Variants in NAV3 observed in about 807,000 individuals in gnomAD.
NAV3 encodes neuron navigator 3.
In NAV3, 87 loss-of-function variants were observed where a neutral mutation model predicts 244.7. That is an observed-to-expected ratio of 0.36 (90% CI 0.30 to 0.42). The LOEUF (loss-of-function observed/expected upper bound fraction) is 0.42, where lower values mean the gene tolerates loss of function less well. Ranked by LOEUF, NAV3 falls within the 20% of genes least tolerant of loss-of-function variation. NAV3 has a pLI of 1.00. For synonymous variants in NAV3, 1,126 were observed against 1,042.2 expected (o/e 1.08, Z -1.55); for missense variants, 2,663 against 2,893.3 (o/e 0.92, Z 1.83).
At chr12:78,196,387 A>G (rs967215919) in intron 34 of NAV3, among the ~76,000 whole-genome samples, 4 of 152,018 alleles carry the variant, frequency 2.6e-5, no homozygotes, top group Non-Finnish European at 5.9e-5. Flanking sequence ...AGCAATTCAC[A>G]TATTTACCTG....
intron 1 of NAV3, among the ~76,000 whole-genome samples, chr12:77,929,534 G>C (rs531490123): frequency 6.6e-6 from 1 of 152,110 alleles, no homozygotes; most frequent in Non-Finnish European, 1.5e-5. Flanking sequence ...ATTCTACTCC[G>C]TAAATACGGC....
rs117805977 is a variant in NAV3, at chr12:77,990,570, A to G, written c.672-4233A>G. ...TGAGGATCAATTTCTATGTTTATTC[A>G]AAAGAAACTATAACATCAGTTTTAT... On this transcript the variant is annotated intron_variant, in intron 5 of 39. Coordinates refer to ENST00000397909, the MANE Select transcript of NAV3 (RefSeq NM_001024383.2). Among the ~76,000 whole-genome samples the G allele has an allele frequency of 9.5e-3, 1,442 of 152,368 alleles. 11 individuals carry two copies. Among genetic ancestry groups the G allele is most frequent in the Non-Finnish European group, 0.014 (961 of 68,032 alleles).
At chr12:77,770,942 A>G (rs997482618) in intron 2 of NAV3, among the ~76,000 whole-genome samples, 1 of 152,146 alleles carries the variant, frequency 6.6e-6, no homozygotes, top group African/African-American at 2.4e-5. Flanking sequence ...GAGCTTCTGC[A>G]CAGCAAAAGA....
intron 3 of NAV3, among the ~76,000 whole-genome samples, chr12:77,944,435 A>G (rs1890147925): frequency 6.6e-6 from 1 of 152,136 alleles, no homozygotes; most frequent in African/African-American, 2.4e-5. Context: ...TGGGTAAGTA[A>G]TTACCATTAA....
chr12:77,606,602 A>G (rs570638081), intron 2 of NAV3, among the ~76,000 whole-genome samples: 8 of 152,248 alleles, frequency 5.3e-5, no homozygotes, highest in Admixed American at 1.3e-4. Flanking sequence ...TACTGAGTTC[A>G]TCTGTTATAT....
chr12:78,142,816 C>A (rs745439904), intron 20 of NAV3, among the ~76,000 whole-genome samples: 1 of 149,984 alleles, frequency 6.7e-6, no homozygotes, highest in Non-Finnish European at 1.5e-5. Flanking sequence ...ATTAGGTGAT[C>A]GAGCCACATG....
chr12:77,619,586 A>T (rs576970597), intron 2 of NAV3, among the ~76,000 whole-genome samples: 108 of 152,324 alleles, frequency 7.1e-4, no homozygotes, highest in African/African-American at 2.4e-3. Flanking sequence ...GGTGCTGCAG[A>T]TGGTGTGTCC....
chr12:77,887,093 A>T (rs1565890729), intron 1 of NAV3, among the ~76,000 whole-genome samples: 1 of 152,168 alleles, frequency 6.6e-6, no homozygotes, highest in Non-Finnish European at 1.5e-5. Context: ...GAAATAGAGG[A>T]ACCTCTCACA....
chr12:78,149,357 A>G (rs1170938617), intron 22 of NAV3, among the ~76,000 whole-genome samples: 1 of 152,120 alleles, frequency 6.6e-6, no homozygotes, highest in Non-Finnish European at 1.5e-5. Context: ...AATTAGGTCT[A>G]AATAGGGATA....
chr12:77,644,416 A>G (rs910325939), intron 2 of NAV3, among the ~76,000 whole-genome samples: 2 of 152,174 alleles, frequency 1.3e-5, no homozygotes, highest in South Asian at 2.1e-4. Flanking sequence ...CTTGGTAAAA[A>G]TCATATCCAG....
intron 2 of NAV3, among the ~76,000 whole-genome samples, chr12:77,621,146 AACTCTGTTTATCTTCT>A (rs1211335481): frequency 2.6e-5 from 4 of 152,200 alleles, no homozygotes; most frequent in Non-Finnish European, 5.9e-5. Flanking sequence ...ATAAACAAAC[AACTCTGTTTATCTTCT>A]ACAGGTTTAC....
At chr12:77,655,694 G>C (rs951523064) in intron 2 of NAV3, among the ~76,000 whole-genome samples, 2 of 152,020 alleles carry the variant, frequency 1.3e-5, no homozygotes, top group African/African-American at 2.4e-5. Flanking sequence ...AAATGTTAAG[G>C]GTAGCCAGAG....
intron 2 of NAV3, among the ~76,000 whole-genome samples, chr12:77,810,108 A>C (rs145982807): frequency 1.2e-3 from 184 of 152,288 alleles, no homozygotes; most frequent in African/African-American, 4.4e-3. Flanking sequence ...CTTCTAAGTA[A>C]GTTTAGAAAT....
At chr12:78,127,855 T>A (rs1219046532) in intron 17 of NAV3, among the ~76,000 whole-genome samples, 1 of 152,158 alleles carries the variant, frequency 6.6e-6, no homozygotes, top group African/African-American at 2.4e-5. Context: ...TAATATTTAA[T>A]AATCTCAAAA....
chr12:77,651,588 T>G (rs974643579), intron 2 of NAV3, among the ~76,000 whole-genome samples: 1 of 152,134 alleles, frequency 6.6e-6, no homozygotes, highest in African/African-American at 2.4e-5. Flanking sequence ...CCTGAGACCA[T>G]GTTTGTGAGG....
At chr12:77,689,933 G>A (rs1874928269) in intron 2 of NAV3, among the ~76,000 whole-genome samples, 1 of 151,718 alleles carries the variant, frequency 6.6e-6, no homozygotes, top group African/African-American at 2.4e-5. Flanking sequence ...GTACCCATCT[G>A]TAAAAATAAT....
At chr12:77,637,583 A>G (rs530140650) in intron 2 of NAV3, among the ~76,000 whole-genome samples, 1 of 152,278 alleles carries the variant, frequency 6.6e-6, no homozygotes, top group South Asian at 2.1e-4. Context: ...CCCATGGAGT[A>G]GGCATTATTA....
chr12:77,639,438 T>A (rs1034898968), intron 2 of NAV3, among the ~76,000 whole-genome samples: 1 of 152,282 alleles, frequency 6.6e-6, no homozygotes, highest in East Asian at 1.9e-4. Flanking sequence ...TCTGAGACAT[T>A]ATATACTCAC....
intron 3 of NAV3, among the ~76,000 whole-genome samples, chr12:77,948,271 T>C (rs930719636): frequency 1.3e-5 from 2 of 152,068 alleles, no homozygotes; most frequent in Admixed American, 1.3e-4. Context: ...GTTGTTCTTA[T>C]TGTTGTCAAT....
Sources: gnomAD v4.1 joint callset for allele counts (sites outside exome capture counted in the v4.1 genomes callset) on GRCh38, gnomAD v4.1.1 for gene constraint, MANE v1.5 for transcripts, NCBI Gene and HGNC (gene_info 2026-07-23, HGNC 2026-07-21) for gene names.